XKR4: variants seen among roughly 807,000 people sequenced by gnomAD.
XKR4 encodes XK-related protein 4.
Under a neutral mutation model 53.9 loss-of-function variants are expected in XKR4, and 12 were observed. The ratio of observed to expected loss-of-function variants is 0.22; its 90% CI spans 0.14 to 0.36. XKR4 has a LOEUF of 0.36. Ranked by LOEUF, XKR4 falls within the 10% of genes least tolerant of loss-of-function variation. The probability of loss-of-function intolerance (pLI) is 1.00; values close to 1 mark genes in which losing one functional copy is unlikely to be tolerated. For missense variants in XKR4, 799 were observed against 859.5 expected (o/e 0.93, Z 0.88); for synonymous variants, 354 against 362.4 (o/e 0.98, Z 0.26).
intron 1 of XKR4, among the ~76,000 whole-genome samples, chr8:55,221,317 G>A (rs1817877938): frequency 6.6e-6 from 1 of 152,182 alleles, no homozygotes; most frequent in Admixed American, 6.5e-5. Flanking sequence ...AAGAGGTGTG[G>A]TAAAATAGAA....
chr8:55,378,316 G>A (rs1464421822), intron 2 of XKR4, among the ~76,000 whole-genome samples: 2 of 152,214 alleles, frequency 1.3e-5, no homozygotes, highest in Non-Finnish European at 2.9e-5. Context: ...GCCAAAGAGA[G>A]CTGTCAGTGG....
intron 2 of XKR4, among the ~76,000 whole-genome samples, chr8:55,515,628 C>G (rs987479480): frequency 6.6e-6 from 1 of 152,194 alleles, no homozygotes; most frequent in Non-Finnish European, 1.5e-5. Flanking sequence ...TCCAAGAAGA[C>G]TAGGAGGCCT....
chr8:55,511,645 G>A (rs1806627408), intron 2 of XKR4, among the ~76,000 whole-genome samples: 1 of 152,180 alleles, frequency 6.6e-6, no homozygotes, highest in South Asian at 2.1e-4. Flanking sequence ...GAACAGCTTC[G>A]ACTTCGCCCT....
intron 1 of XKR4, among the ~76,000 whole-genome samples, chr8:55,199,609 A>G (rs1314380055): frequency 2.6e-5 from 4 of 152,176 alleles, no homozygotes; most frequent in Non-Finnish European, 5.9e-5. Context: ...CATAAGTAAC[A>G]GGATCTGAGC....
intron 1 of XKR4, among the ~76,000 whole-genome samples, chr8:55,216,811 A>G (rs1817806291): frequency 6.6e-6 from 1 of 152,016 alleles, no homozygotes; most frequent in South Asian, 2.1e-4. Flanking sequence ...ATAAAAAAAA[A>G]AACTATAAAG....
chr8:55,473,830 CTTT>C (rs969470279), intron 2 of XKR4, among the ~76,000 whole-genome samples: 7 of 151,784 alleles, frequency 4.6e-5, no homozygotes, highest in Non-Finnish European at 8.8e-5. Context: ...TTCTTTCCTT[CTTT>C]TCTTTTCTTT....
Position 55,535,360 on chromosome 8 carries a change from A to C in XKR4, c.*11133A>C, listed in dbSNP as rs1807018305. 1 of 149,004 alleles carries C rather than the reference A, an allele frequency of 6.7e-6. No homozygotes were observed. The highest frequency in any genetic ancestry group is 1.5e-5 in the Non-Finnish European group (1 of 67,226). 9.2% of individuals were successfully genotyped at this position (149,004 alleles called of 1,614,324 possible). ...CATTTAGCATCAGGTATATCTCCTAATGCTATCCCTCCCCCCTCCCCCCAC... is the reference window on the plus strand; with the variant it reads ...CATTTAGCATCAGGTATATCTCCTACTGCTATCCCTCCCCCCTCCCCCCAC... On this transcript the variant is annotated 3_prime_UTR_variant, in exon 3 of 3. Coordinates refer to ENST00000327381, the MANE Select transcript of XKR4 (RefSeq NM_052898.2).
intron 2 of XKR4, among the ~76,000 whole-genome samples, chr8:55,422,569 A>T (rs1288760504): frequency 6.6e-6 from 1 of 152,254 alleles, no homozygotes; most frequent in Admixed American, 6.5e-5. Context: ...CAGAACAGCA[A>T]GTAGTCTACA....
chr8:55,335,478 G>A (rs1585526414), intron 1 of XKR4, among the ~76,000 whole-genome samples: 2 of 152,232 alleles, frequency 1.3e-5, no homozygotes, highest in African/African-American at 2.4e-5. Context: ...AAAAATGCAT[G>A]CCAATAGAAC....
At chr8:55,519,623 T>C (rs961548281) in intron 2 of XKR4, among the ~76,000 whole-genome samples, 1 of 152,238 alleles carries the variant, frequency 6.6e-6, no homozygotes, top group Non-Finnish European at 1.5e-5. Context: ...ATTCTAGACT[T>C]GATCCTGTAT....
At chr8:55,432,931 G>A (rs1243833846) in intron 2 of XKR4, among the ~76,000 whole-genome samples, 1 of 152,146 alleles carries the variant, frequency 6.6e-6, no homozygotes, top group East Asian at 1.9e-4. Context: ...AGTAGCAGGT[G>A]GGGTAGGGTC....
intron 1 of XKR4, among the ~76,000 whole-genome samples, chr8:55,247,846 T>TCTTC (rs1399806649): frequency 2.4e-3 from 128 of 52,784 alleles, no homozygotes; most frequent in Non-Finnish European, 8.8e-3. Context: ...TTTCTTTCTT[T>TCTTC]CTTTCTTTCT....
At chr8:55,135,601 A>G in intron 1 of XKR4, 1 of 456,162 alleles carries the variant, frequency 2.2e-6, no homozygotes, top group Non-Finnish European at 4.4e-6. Context: ...CTGTCATCGG[A>G]GCTGTCTACT....
chr8:55,453,531 C>T, intron 2 of XKR4: 1 of 380,040 alleles, frequency 2.6e-6, no homozygotes, highest in South Asian at 2.0e-5. Flanking sequence ...CTGCTGCACC[C>T]ATCCAGTAGG....
intron 2 of XKR4, among the ~76,000 whole-genome samples, chr8:55,365,708 A>C (rs947229482): frequency 4.7e-5 from 3 of 63,216 alleles, no homozygotes; most frequent in African/African-American, 8.4e-5. Context: ...ACTTCGTCTC[A>C]AAAAAAAAAA....
chr8:55,155,198 T>A (rs1048188462), intron 1 of XKR4, among the ~76,000 whole-genome samples: 1 of 152,134 alleles, frequency 6.6e-6, no homozygotes, highest in African/African-American at 2.4e-5. Context: ...ATCTCCAAGA[T>A]CCCTGCCCTC....
intron 1 of XKR4, among the ~76,000 whole-genome samples, chr8:55,141,669 C>CTGTGTG (rs1239597098): frequency 6.8e-6 from 1 of 147,468 alleles, no homozygotes; most frequent in African/African-American, 2.6e-5. Context: ...CTCTCTCTCT[C>CTGTGTG]TCTGTGTGTG....
At chr8:55,433,957 C>T (rs1047190383) in intron 2 of XKR4, among the ~76,000 whole-genome samples, 5 of 152,060 alleles carry the variant, frequency 3.3e-5, no homozygotes, top group African/African-American at 9.7e-5. Context: ...GCTTCATAGC[C>T]GAGGAGACTG....
chr8:55,506,158 C>A (rs1806523456), intron 2 of XKR4, among the ~76,000 whole-genome samples: 2 of 152,234 alleles, frequency 1.3e-5, no homozygotes, highest in Non-Finnish European at 2.9e-5. Flanking sequence ...TGTGTGCCCC[C>A]TCTCCCACGA....
Sources: gnomAD v4.1 joint callset for allele counts (sites outside exome capture counted in the v4.1 genomes callset) on GRCh38, gnomAD v4.1.1 for gene constraint, MANE v1.5 for transcripts, NCBI Gene and HGNC (gene_info 2026-07-23, HGNC 2026-07-21) for gene names.